Variants in CDH13 observed in about 807,000 individuals in gnomAD.
CDH13 encodes cadherin-13.
In CDH13, 24 loss-of-function variants were observed where a neutral mutation model predicts 63.8. The observed-to-expected ratio is 0.38, with a 90% CI of 0.27 to 0.53. The LOEUF (loss-of-function observed/expected upper bound fraction) is 0.53, where lower values mean the gene tolerates loss of function less well. Ranked by LOEUF, CDH13 falls within the 20% of genes least tolerant of loss-of-function variation. The pLI, the probability that CDH13 is intolerant of heterozygous loss-of-function variation, is 0.85. For missense variants in CDH13, 1,049 were observed against 903.1 expected, an observed-to-expected ratio of 1.16 and a Z score of -2.07; for synonymous variants, 503 against 355.3, an observed-to-expected ratio of 1.42 and a Z score of -4.67.
intron 6 of CDH13, among the ~76,000 whole-genome samples, chr16:83,404,205 G>T (rs192533896): frequency 6.6e-6 from 1 of 152,134 alleles, no homozygotes; most frequent in Non-Finnish European, 1.5e-5. Context: ...AACTGTTCAC[G>T]TTTCAGAACT....
At chr16:83,689,244 T>G (rs1258577122) in intron 10 of CDH13, among the ~76,000 whole-genome samples, 1 of 152,228 alleles carries the variant, frequency 6.6e-6, no homozygotes, top group Non-Finnish European at 1.5e-5. Context: ...ATGTTAATAT[T>G]GTTCCTTGAC....
At chr16:83,120,090 C>T (rs1351417032) in intron 3 of CDH13, among the ~76,000 whole-genome samples, 1 of 151,936 alleles carries the variant, frequency 6.6e-6, no homozygotes, top group Non-Finnish European at 1.5e-5. Flanking sequence ...TCGACATGCA[C>T]ATGGTGACTT....
At chr16:83,301,290 C>T (rs1022180891) in intron 5 of CDH13, among the ~76,000 whole-genome samples, 2 of 152,084 alleles carry the variant, frequency 1.3e-5, no homozygotes, top group Admixed American at 1.3e-4. Context: ...CTCAGCCTCC[C>T]AAAGTGCAGG....
rs1386836737 is a variant in CDH13, at chr16:82,649,479, A to T, written c.45+22342A>T. On this transcript the variant is annotated intron_variant, in intron 1 of 13. Coordinates refer to ENST00000567109, the MANE Select transcript of CDH13 (RefSeq NM_001257.5). ...AGGGAACAGAGAAAGCACTAGATTC[A>T]ACAAAAAGAACCAGTCACTGGTCCT... Among the ~76,000 whole-genome samples, 5 of 152,214 alleles carry T rather than the reference A, an allele frequency of 3.3e-5. No homozygotes were observed. In the East Asian group the frequency reaches 9.6e-4, roughly 29 times the overall value.
chr16:83,318,833 T>C (rs2090160848), intron 5 of CDH13, among the ~76,000 whole-genome samples: 1 of 152,136 alleles, frequency 6.6e-6, no homozygotes, highest in Admixed American at 6.5e-5. Flanking sequence ...TTGAAGTCAC[T>C]GCTGGGATTT....
intron 10 of CDH13, among the ~76,000 whole-genome samples, chr16:83,685,919 A>T (rs998631441): frequency 2.0e-5 from 3 of 152,180 alleles, no homozygotes; most frequent in Non-Finnish European, 4.4e-5. Context: ...GGGTTTTGAG[A>T]ATGATGGTAA....
At chr16:83,387,156 T>A (rs1410768550) in intron 6 of CDH13, among the ~76,000 whole-genome samples, 1 of 152,114 alleles carries the variant, frequency 6.6e-6, no homozygotes, top group Non-Finnish European at 1.5e-5. Flanking sequence ...CCCCAGGAAC[T>A]TATCCAAGAA....
intron 5 of CDH13, among the ~76,000 whole-genome samples, chr16:83,242,268 C>A (rs1167771918): frequency 6.6e-6 from 1 of 152,140 alleles, no homozygotes; most frequent in Admixed American, 6.5e-5. Flanking sequence ...TACGAGGACT[C>A]CAGGACTAAG....
At chr16:82,756,989 G>A (rs115590210) in intron 1 of CDH13, among the ~76,000 whole-genome samples, 409 of 152,136 alleles carry the variant, frequency 2.7e-3, no homozygotes, top group Middle Eastern at 0.01. Flanking sequence ...CTTTGTTGAC[G>A]ACTGACCTTT....
At chr16:83,147,827 T>G (rs941508045) in intron 4 of CDH13, among the ~76,000 whole-genome samples, 1 of 152,158 alleles carries the variant, frequency 6.6e-6, no homozygotes, top group Non-Finnish European at 1.5e-5. Flanking sequence ...CATCTTGGTC[T>G]CTGGCTCTGA....
intron 1 of CDH13, among the ~76,000 whole-genome samples, chr16:82,696,836 T>A (rs989299853): frequency 3.9e-5 from 6 of 152,216 alleles, no homozygotes; most frequent in African/African-American, 1.4e-4. Context: ...GATACTGTTG[T>A]CAAGATGTTG....
At chr16:82,786,769 C>T (rs190736283) in intron 1 of CDH13, among the ~76,000 whole-genome samples, 1 of 151,568 alleles carries the variant, frequency 6.6e-6, no homozygotes, top group African/African-American at 2.4e-5. Flanking sequence ...GTTTTCTGTC[C>T]TTGCAATCGT....
chr16:83,343,863 G>T (rs890036752), intron 5 of CDH13, among the ~76,000 whole-genome samples: 1 of 152,128 alleles, frequency 6.6e-6, no homozygotes. Flanking sequence ...AGATCCAAAG[G>T]GTTGTTATGA....
intron 7 of CDH13, among the ~76,000 whole-genome samples, chr16:83,551,752 A>C (rs2075503546): frequency 6.6e-6 from 1 of 151,856 alleles, no homozygotes; most frequent in Non-Finnish European, 1.5e-5. Flanking sequence ...ATTTTTCATC[A>C]CTTTGTACTT....
At chr16:83,444,111 A>G (rs1320421663) in intron 6 of CDH13, among the ~76,000 whole-genome samples, 2 of 151,640 alleles carry the variant, frequency 1.3e-5, no homozygotes, top group African/African-American at 4.8e-5. Context: ...ATGATGGTGA[A>G]GATACCAATA....
chr16:82,971,858 G>C (rs1170695364), intron 2 of CDH13, among the ~76,000 whole-genome samples: 2 of 152,136 alleles, frequency 1.3e-5, no homozygotes, highest in South Asian at 4.1e-4. Context: ...TTGAATCCCA[G>C]ACTTGCAGGG....
chr16:83,323,749 C>T (rs1039409667), intron 5 of CDH13, among the ~76,000 whole-genome samples: 1 of 152,220 alleles, frequency 6.6e-6, no homozygotes, highest in African/African-American at 2.4e-5. Context: ...CAGGCCATCA[C>T]ACTCTCCCTG....
intron 5 of CDH13, among the ~76,000 whole-genome samples, chr16:83,286,830 A>G (rs1427325066): frequency 6.6e-6 from 1 of 151,262 alleles, no homozygotes; most frequent in Non-Finnish European, 1.5e-5. Context: ...ACATCTATCT[A>G]TCTATCTATC....
chr16:83,767,575 T>C (rs903953526), intron 11 of CDH13, among the ~76,000 whole-genome samples: 3 of 152,112 alleles, frequency 2.0e-5, no homozygotes, highest in Admixed American at 6.6e-5. Context: ...TTATTCGTAA[T>C]AGACAAAAAG....
Sources: gnomAD v4.1 joint callset for allele counts (sites outside exome capture counted in the v4.1 genomes callset) on GRCh38, gnomAD v4.1.1 for gene constraint, MANE v1.5 for transcripts, NCBI Gene and HGNC (gene_info 2026-07-23, HGNC 2026-07-21) for gene names.